GSTA2: variants seen among roughly 807,000 people sequenced by gnomAD.
GSTA2 encodes glutathione S-transferase alpha 2.
In GSTA2, 27 loss-of-function variants were observed where a neutral mutation model predicts 22.4. The observed-to-expected ratio is 1.21, with a 90% CI of 0.89 to 1.67. The LOEUF (loss-of-function observed/expected upper bound fraction) is 1.67. GSTA2 is among the 40% of genes most tolerant of loss of function. The pLI, the probability that GSTA2 is intolerant of heterozygous loss-of-function variation, is 0.00. For missense variants in GSTA2, 302 were observed against 260.2 expected (o/e 1.16, Z -1.11); for synonymous variants, 121 against 86.8 (o/e 1.39, Z -2.19).
chr6:52,750,418 T>C lies in GSTA2; in HGVS notation c.*159A>G, dbSNP rs1762713730. 1 of 619,692 alleles carries C rather than the reference T, an allele frequency of 1.6e-6. No individual in the cohort carries two copies. Among genetic ancestry groups the C allele is most frequent in the African/African-American group, 1.9e-5 (1 of 53,374 alleles). The allele number at this position is 619,692 out of a possible 1,614,324, so 38.4% of individuals were successfully genotyped here. ...CTAATGAGAAGAAATCAATTTTAAC[T>C]AAGTGGGTGAATAGGAGTTGTATTA... On this transcript the variant is annotated 3_prime_UTR_variant, in exon 7 of 7. Coordinates refer to ENST00000493422, the MANE Select transcript of GSTA2 (RefSeq NM_000846.5).
In GSTA2 at chr6:52,752,973, T is replaced by C. The variant is rs759348739; in HGVS notation, c.295A>G (p.Ile99Val). ...KALIDMYIEGIADLGEMILLL... is the reference protein window; with the variant it reads ...KALIDMYIEGVADLGEMILLL... ...AGGATCATTTCACCCAAATCTGCTA[T>C]ACCTTCTATATACATATCAATCCTG... Residue 99 changes from isoleucine to valine, a missense_variant, in exon 5 of 7, where the codon ATA becomes GTA. Transcript: ENST00000493422. The C allele has an allele frequency of 9.3e-6, 15 of 1,613,102 alleles. No individual in the cohort carries two copies. The highest frequency in any genetic ancestry group is 1.1e-5 in the Non-Finnish European group (13 of 1,179,208).
intron 1 of GSTA2, among the ~76,000 whole-genome samples, chr6:52,759,465 G>C (rs1762910100): frequency 6.7e-6 from 1 of 150,350 alleles, no homozygotes; most frequent in African/African-American, 2.4e-5. Flanking sequence ...CAAACCCCCA[G>C]CTCTGTTATT....
At chr6:52,751,181 A>T (rs1329614960) in intron 6 of GSTA2, among the ~76,000 whole-genome samples, 2 of 152,198 alleles carry the variant, frequency 1.3e-5, no homozygotes, top group African/African-American at 4.8e-5. Flanking sequence ...AATGTCTGAC[A>T]GCAGGAGCCG....
intron 6 of GSTA2, 34 bp downstream of exon 6, chr6:52,751,543 G>T (rs1561893052): frequency 1.2e-6 from 2 of 1,613,246 alleles, no homozygotes; most frequent in South Asian, 1.1e-5. Flanking sequence ...GGGAGATGTG[G>T]GTCTGCCTCT....
rs1427544493 is a variant in GSTA2, at chr6:52,755,061, A to G, written c.154T>C (p.Phe52Leu). 6.2e-7 allele frequency: 1 copy of G among 1,614,088 alleles called. No individual in the cohort carries two copies. Among genetic ancestry groups the G allele is most frequent in the East Asian group, 2.2e-5 (1 of 44,874 alleles). The change falls in exon 4 of 7, where the codon TTC (phenylalanine) becomes CTC (leucine). Residue 52 changes from phenylalanine (F) to leucine (L), a missense_variant. Phe to Leu is a conservative substitution (Grantham distance 22, BLOSUM62 0). Coordinates refer to ENST00000493422, the MANE Select transcript of GSTA2 (RefSeq NM_000846.5). Reference sequence around the variant, plus strand: ...ATCTCAACCATTGGCACTTGCTGGAACATCAAATATCCATCTTTAAGAGGA... The same window carrying G: ...ATCTCAACCATTGGCACTTGCTGGAGCATCAAATATCCATCTTTAAGAGGA... ...DKLRNDGYLM[F>L]QQVPMVEIDG... is the part of the protein sequence containing the mutation.
chr6:52,752,359 C>A (rs1019578895), intron 5 of GSTA2, among the ~76,000 whole-genome samples: 8 of 152,190 alleles, frequency 5.3e-5, no homozygotes, highest in Admixed American at 2.6e-4. Flanking sequence ...ATGCATTTTA[C>A]AGAATCTTCC....
At chr6:52,753,570 G>A (rs1376736537) in intron 4 of GSTA2, among the ~76,000 whole-genome samples, 1 of 152,160 alleles carries the variant, frequency 6.6e-6, no homozygotes, top group Non-Finnish European at 1.5e-5. Flanking sequence ...TCCATGTGCT[G>A]TTGCCCAACT....
intron 1 of GSTA2, among the ~76,000 whole-genome samples, chr6:52,762,458 G>C (rs1478932658): frequency 2.0e-5 from 3 of 152,130 alleles, no homozygotes; most frequent in Admixed American, 6.5e-5. Flanking sequence ...TAATGCACCA[G>C]ATATGTTTAT....
rs2144695 is a variant in GSTA2 at position 52,756,802 on chromosome 6, C to T, written c.88-493G>A. ...GAACCCTGCTAAGGGTGACATAGGT[C>T]GCCACTGTTGCACAGCTTTCACACT... On this transcript the variant is annotated intron_variant, in intron 2 of 6. Transcript: ENST00000493422. Among the ~76,000 whole-genome samples the T allele has an allele frequency of 9.9e-5, 15 of 152,218 alleles. No individual in the cohort carries two copies. In the South Asian group the frequency reaches 1.0e-3, roughly 10 times the overall value.
chr6:52,752,828 C>T, intron 5 of GSTA2, 26 bp downstream of exon 5: 1 of 1,613,004 alleles, frequency 6.2e-7, no homozygotes, highest in Non-Finnish European at 8.5e-7. Flanking sequence ...ACTCAGTTCC[C>T]CAAAACACTG....
At chr6:52,751,294 A>G (rs939381778) in intron 6 of GSTA2, among the ~76,000 whole-genome samples, 3 of 152,182 alleles carry the variant, frequency 2.0e-5, no homozygotes, top group Non-Finnish European at 4.4e-5. Flanking sequence ...AACAGAAACC[A>G]CACTGAAATA....
At chr6:52,761,280 C>T (rs770356120) in intron 1 of GSTA2, among the ~76,000 whole-genome samples, 3 of 152,158 alleles carry the variant, frequency 2.0e-5, no homozygotes, top group African/African-American at 4.8e-5. Context: ...TTTCTTTGAT[C>T]TATCTATCCA....
At chr6:52,751,812 T>C in intron 5 of GSTA2, 104 bp from the exon 6 acceptor site, 2 of 1,523,586 alleles carry the variant, frequency 1.3e-6, no homozygotes, top group Non-Finnish European at 1.8e-6. Flanking sequence ...CTCTGTTGCC[T>C]TACTGCATGG....
At chr6:52,762,327 C>T (rs888115338) in intron 1 of GSTA2, among the ~76,000 whole-genome samples, 76 of 152,210 alleles carry the variant, frequency 5.0e-4, no homozygotes, top group Non-Finnish European at 8.2e-4. Flanking sequence ...ATCTGTCTCC[C>T]GCTTATCCCT....
intron 5 of GSTA2, 37 bp from the exon 6 acceptor site, chr6:52,751,745 C>G: frequency 6.2e-7 from 1 of 1,613,910 alleles, no homozygotes; most frequent in Non-Finnish European, 8.5e-7. Context: ...GAACACATGC[C>G]CACCCAGGCT....
chr6:52,751,719 G>C lies in GSTA2; in HGVS notation c.415-11C>G. 6.2e-7 allele frequency: 1 copy of C among 1,614,098 alleles called. No homozygotes were observed. Among genetic ancestry groups the C allele is most frequent in the Non-Finnish European group, 8.5e-7 (1 of 1,179,956 alleles). ...GTGGCTCTTTAAGACCTGGAGAATG[G>C]GAGGAATCAGATCAGGAACACATGC... is the stretch of plus-strand genomic sequence containing the variant. On this transcript the variant is annotated splice_polypyrimidine_tract_variant and intron_variant, in intron 5 of 6. Coordinates refer to ENST00000493422, the MANE Select transcript of GSTA2 (RefSeq NM_000846.5).
intron 1 of GSTA2, among the ~76,000 whole-genome samples, chr6:52,763,068 T>C (rs999933533): frequency 3.3e-5 from 5 of 152,202 alleles, no homozygotes; most frequent in Non-Finnish European, 7.3e-5. Context: ...AATTACAGTG[T>C]CACAATTTAC....
chr6:52,754,214 T>C (rs1241118559), intron 4 of GSTA2, among the ~76,000 whole-genome samples: 1 of 152,252 alleles, frequency 6.6e-6, no homozygotes, highest in Non-Finnish European at 1.5e-5. Flanking sequence ...AGTGTGGATG[T>C]ATTTTCGATT....
Position 52,759,936 on chromosome 6 carries a change from T to G in GSTA2, c.-30-1959A>C, listed in dbSNP as rs149073619. ...GCATGATTAAAATTAGGCATCAAAATCTTTTAAATGTCTACATTTTAAAAT... is the reference window on the plus strand; with the variant it reads ...GCATGATTAAAATTAGGCATCAAAAGCTTTTAAATGTCTACATTTTAAAAT... On this transcript the variant is annotated intron_variant, in intron 1 of 6. Coordinates refer to ENST00000493422, the MANE Select transcript of GSTA2 (RefSeq NM_000846.5). Among the ~76,000 whole-genome samples the G allele has an allele frequency of 2.5e-3, 387 of 152,320 alleles. 3 individuals are homozygous for G. The highest frequency in any genetic ancestry group is 9.1e-3 in the African/African-American group (377 of 41,576).
Sources: allele counts gnomAD v4.1 joint callset (sites outside exome capture counted in the v4.1 genomes callset), GRCh38; gene constraint gnomAD v4.1.1; transcripts MANE v1.5; gene names NCBI Gene and HGNC (gene_info 2026-07-23, HGNC 2026-07-21).